The following CNNM4 variants were observed in gnomAD, a reference collection of about 807,000 sequenced individuals.
CNNM4 encodes the protein cyclin and CBS domain divalent metal cation transport mediator 4.
In CNNM4, 32 loss-of-function variants were observed where a neutral mutation model predicts 53.7. The observed-to-expected ratio is 0.60, with a 90% CI of 0.45 to 0.80. The LOEUF (loss-of-function observed/expected upper bound fraction) is 0.80. CNNM4 is among the 30% of genes least tolerant of loss of function. The probability of loss-of-function intolerance (pLI) is 0.00; values close to 1 mark genes in which losing one functional copy is unlikely to be tolerated. For missense variants in CNNM4, 784 were observed against 1,022.0 expected, an observed-to-expected ratio of 0.77 and a Z score of 3.17; for synonymous variants, 410 against 440.0, an observed-to-expected ratio of 0.93 and a Z score of 0.85.
At chr2:96,805,440 A>AAATT (rs2079194974) in intron 5 of CNNM4, among the ~76,000 whole-genome samples, 6 of 87,470 alleles carry the variant, frequency 6.9e-5, no homozygotes, top group South Asian at 4.2e-4. Context: ...TTTTTTTTTT[A>AAATT]TTATTTTTTT....
At chr2:96,803,516 G>C (rs2079176309) in intron 5 of CNNM4, among the ~76,000 whole-genome samples, 1 of 152,070 alleles carries the variant, frequency 6.6e-6, no homozygotes, top group Admixed American at 6.6e-5. Context: ...CCTGAGGTCG[G>C]GAGTTCGAGA....
rs2079117919 is a variant in CNNM4 at position 96,797,745 on chromosome 2, A to C, written c.1681+98A>C. 24 of 1,529,744 alleles carry C rather than the reference A, an allele frequency of 1.6e-5. No individual in the cohort carries two copies. Among genetic ancestry groups the C allele is most frequent in the Non-Finnish European group, 2.0e-5 (23 of 1,128,602 alleles). The allele number at this position is 1,529,744 out of a possible 1,614,324, so 94.8% of individuals were successfully genotyped here. The stretch of plus-strand genomic sequence containing the variant: ...TTTCCCCCCATAGGACGAGGGCTGC[A>C]GCAGGTGAGGGGTGCAGAGACAACA... On this transcript the variant is annotated intron_variant, in intron 3 of 6. Transcript: ENST00000377075. The surrounding 1 kb of genome is among the most constrained non-coding windows in gnomAD (Gnocchi z 6.0).
intron 5 of CNNM4, among the ~76,000 whole-genome samples, chr2:96,805,429 T>A (rs1478277150): frequency 6.4e-5 from 9 of 140,670 alleles, no homozygotes; most frequent in South Asian, 2.1e-4. Flanking sequence ...TTTTTTTTTT[T>A]TTTTTTTTTT....
intron 1 of CNNM4, 75 bp downstream of exon 1, chr2:96,762,476 TG>T: frequency 7.4e-7 from 1 of 1,351,118 alleles, no homozygotes; most frequent in South Asian, 1.2e-5. Flanking sequence ...TTGTGTCTGC[TG>T]GCTTTAGTGT....
intron 1 of CNNM4, among the ~76,000 whole-genome samples, chr2:96,772,138 G>T (rs2078877080): frequency 2.0e-5 from 3 of 151,874 alleles, no homozygotes; most frequent in South Asian, 2.1e-4. Context: ...CCCAGGTAGG[G>T]CCACTCCCAC....
intron 1 of CNNM4, among the ~76,000 whole-genome samples, chr2:96,773,935 A>T (rs1167636369): frequency 6.6e-6 from 1 of 152,074 alleles, no homozygotes; most frequent in Admixed American, 6.6e-5. Context: ...CTATATAATT[A>T]TATGCTAATT....
At chr2:96,768,598 T>C (rs2078839265) in intron 1 of CNNM4, among the ~76,000 whole-genome samples, 1 of 152,120 alleles carries the variant, frequency 6.6e-6, no homozygotes, top group Non-Finnish European at 1.5e-5. Context: ...TCAGGTTGAT[T>C]ATGTCATTTA....
intron 1 of CNNM4, among the ~76,000 whole-genome samples, chr2:96,766,448 A>G (rs2078819887): frequency 6.6e-6 from 1 of 151,980 alleles, no homozygotes; most frequent in Non-Finnish European, 1.5e-5. Flanking sequence ...CTTGGGCTGG[A>G]ATATTCTTCT....
At chr2:96,805,000 TAATAA>T (rs1212596655) in intron 5 of CNNM4, among the ~76,000 whole-genome samples, 2 of 152,120 alleles carry the variant, frequency 1.3e-5, no homozygotes, top group East Asian at 3.9e-4. Context: ...AAAATAATAA[TAATAA>T]AATAAATTCA....
intron 1 of CNNM4, among the ~76,000 whole-genome samples, chr2:96,768,278 G>C (rs1205997754): frequency 6.6e-6 from 1 of 152,154 alleles, no homozygotes; most frequent in Non-Finnish European, 1.5e-5. Context: ...ATCCGCACCT[G>C]CTTATTCATC....
Position 96,761,723 on chromosome 2 carries a change from C to T in CNNM4, c.724C>T (p.Leu242Phe). Residue 242 changes from leucine (L) to phenylalanine (F), a missense_variant, in exon 1 of 7, where the codon CTT (leucine) becomes TTT (phenylalanine). Physicochemically the swap from Leu to Phe is conservative, Grantham distance 22. Transcript: ENST00000377075. The surrounding 1 kb of genome is among the most constrained non-coding windows in gnomAD (Gnocchi z 6.0). Reference protein sequence around the residue: ...IEPIRRKGNYLLCSLLLGNVL... With the variant: ...IEPIRRKGNYFLCSLLLGNVL... ...GCCCATCCGGCGCAAGGGCAACTAC[C>T]TTCTCTGCTCGTTGCTCCTAGGGAA... 1 of 1,609,912 alleles carries T rather than the reference C, an allele frequency of 6.2e-7. No homozygotes were observed. The highest frequency in any genetic ancestry group is 8.5e-7 in the Non-Finnish European group (1 of 1,180,014).
chr2:96,807,214 T>C (rs185780794), intron 5 of CNNM4, among the ~76,000 whole-genome samples: 1 of 152,298 alleles, frequency 6.6e-6, no homozygotes, highest in African/African-American at 2.4e-5. Flanking sequence ...TTTTGCTGTG[T>C]TGCCCAGGCT....
chr2:96,764,901 C>T (rs1353566706), intron 1 of CNNM4, among the ~76,000 whole-genome samples: 3 of 151,396 alleles, frequency 2.0e-5, no homozygotes, highest in Admixed American at 1.3e-4. Context: ...GCAGGAGAAT[C>T]GCTTGAACCC....
intron 1 of CNNM4, among the ~76,000 whole-genome samples, chr2:96,772,482 C>CCA: frequency 8.2e-6 from 1 of 121,750 alleles, no homozygotes; most frequent in African/African-American, 3.2e-5. Context: ...TCGCTCTCAC[C>CCA]CATGCACGCA....
rs535188201 is a variant in CNNM4 at position 96,763,002 on chromosome 2, G to A, written c.1402+601G>A. On this transcript the variant is annotated intron_variant, in intron 1 of 6. Coordinates refer to ENST00000377075, the MANE Select transcript of CNNM4 (RefSeq NM_020184.4). The stretch of plus-strand genomic sequence containing the variant: ...TGGACGCTAAGTTTGCTCCCAGCTT[G>A]GGAGCTACAGGTTTTTGAGCAGGGG... Among the ~76,000 whole-genome samples, 54 of 152,178 alleles carry A rather than the reference G, an allele frequency of 3.5e-4. 1 individual carries two copies. The highest frequency in any genetic ancestry group is 7.2e-4 in the Non-Finnish European group (49 of 68,016).
At position 96,761,312 on chromosome 2, in the gene CNNM4, T is replaced by C; in HGVS notation, c.313T>C (p.Ser105Pro). The stretch of plus-strand genomic sequence containing the variant: ...GGACGATGCCGAGACCCTCCACAAG[T>C]CCACCAGCTGCCTCGAGCTCACCAA... ...EVDDAETLHK[S>P]TSCLELTKDL... The change falls in exon 1 of 7, where the codon TCC becomes CCC. Residue 105 changes from serine to proline, a missense_variant. Physicochemically the swap from Ser to Pro is moderately conservative, Grantham distance 74. Transcript: ENST00000377075. The surrounding 1 kb of genome is among the most constrained non-coding windows in gnomAD (Gnocchi z 6.0). The C allele has an allele frequency of 6.2e-7, 1 of 1,613,908 alleles. No homozygotes were observed. Among genetic ancestry groups the C allele is most frequent in the Non-Finnish European group, 8.5e-7 (1 of 1,179,994 alleles).
At chr2:96,790,639 C>T (rs572526048) in intron 1 of CNNM4, among the ~76,000 whole-genome samples, 1 of 150,724 alleles carries the variant, frequency 6.6e-6, no homozygotes, top group South Asian at 2.1e-4. Flanking sequence ...CAGGCATGAG[C>T]CACCGCGCCC....
intron 5 of CNNM4, among the ~76,000 whole-genome samples, chr2:96,806,931 C>A (rs767174508): frequency 5.9e-5 from 9 of 152,192 alleles, no homozygotes; most frequent in Non-Finnish European, 1.2e-4. Flanking sequence ...CCTGACCCGC[C>A]CCGGCCAGGC....
At chr2:96,771,404 A>G (rs1444790208) in intron 1 of CNNM4, among the ~76,000 whole-genome samples, 6 of 151,972 alleles carry the variant, frequency 3.9e-5, no homozygotes, top group Non-Finnish European at 8.8e-5. Context: ...CAAAACAAAA[A>G]CCTTATAACA....
Sources: allele counts gnomAD v4.1 joint callset (sites outside exome capture counted in the v4.1 genomes callset), GRCh38; gene constraint gnomAD v4.1.1; non-coding constraint Gnocchi (gnomAD v3.1); transcripts MANE v1.5; gene names NCBI Gene and HGNC (gene_info 2026-07-23, HGNC 2026-07-21).